The following SORT1 variants were observed in gnomAD, a reference collection of about 807,000 sequenced individuals.
The protein encoded by SORT1 is sortilin.
Under a neutral mutation model 101.7 loss-of-function variants are expected in SORT1, and 39 were observed. The observed-to-expected ratio is 0.38, with a 90% CI of 0.30 to 0.50. The LOEUF (loss-of-function observed/expected upper bound fraction) is 0.50. Among genes scored for constraint, SORT1 ranks in the 20% least tolerant of loss-of-function variants. The probability of loss-of-function intolerance (pLI) is 0.90; values close to 1 mark genes in which losing one functional copy is unlikely to be tolerated. For missense variants in SORT1, 878 were observed against 1,040.4 expected, an observed-to-expected ratio of 0.84 and a Z score of 2.15; for synonymous variants, 396 against 393.7, an observed-to-expected ratio of 1.01 and a Z score of -0.07.
Position 109,350,912 on chromosome 1 carries a change from A to T in SORT1, c.782+17T>A, listed in dbSNP as rs1472340772. The T allele has an allele frequency of 6.5e-7, 1 of 1,547,642 alleles. No homozygotes were observed. The highest frequency in any genetic ancestry group is 1.4e-5 in the African/African-American group (1 of 73,744). On this transcript the variant is annotated intron_variant, in intron 6 of 19. Coordinates refer to ENST00000256637, the MANE Select transcript of SORT1 (RefSeq NM_002959.7). ...AGGGTTTAGGGCTCTGCACAGATGGAGTCTTCTGTTACTCACCATTTGGCC... is the reference window on the plus strand; with the variant it reads ...AGGGTTTAGGGCTCTGCACAGATGGTGTCTTCTGTTACTCACCATTTGGCC...
intron 3 of SORT1, among the ~76,000 whole-genome samples, chr1:109,357,829 A>G (rs1483844462): frequency 6.6e-6 from 1 of 152,216 alleles, no homozygotes; most frequent in African/African-American, 2.4e-5. Flanking sequence ...CACCCAACAG[A>G]GTCCTATATT....
At chr1:109,357,283 A>C (rs542814067) in intron 3 of SORT1, among the ~76,000 whole-genome samples, 1 of 152,226 alleles carries the variant, frequency 6.6e-6, no homozygotes, top group Non-Finnish European at 1.5e-5. Flanking sequence ...AAATCACCTA[A>C]TGATGCACTT....
rs538392350 is a variant in SORT1 at position 109,311,229 on chromosome 1, A to G, written c.*2814T>C. 1 of 152,352 alleles carries G rather than the reference A, an allele frequency of 6.6e-6. No individual in the cohort carries two copies. The highest frequency in any genetic ancestry group is 2.4e-5 in the African/African-American group (1 of 41,592). 9.4% of individuals were successfully genotyped at this position (152,352 alleles called of 1,614,324 possible). Reference sequence around the variant, plus strand: ...TCCCTACCTGGATTTAAGAACTCGGACCACTTTGGACTGGTTTGTCCAATC... The same window carrying G: ...TCCCTACCTGGATTTAAGAACTCGGGCCACTTTGGACTGGTTTGTCCAATC... On this transcript the variant is annotated 3_prime_UTR_variant, in exon 20 of 20. Transcript: ENST00000256637.
At chr1:109,334,889 A>T (rs548349412) in intron 11 of SORT1, among the ~76,000 whole-genome samples, 2 of 152,314 alleles carry the variant, frequency 1.3e-5, no homozygotes, top group South Asian at 4.1e-4. Context: ...TTAACACTCT[A>T]AAAAGGGTTC....
At chr1:109,346,986 G>C (rs982037029) in intron 7 of SORT1, among the ~76,000 whole-genome samples, 50 of 152,106 alleles carry the variant, frequency 3.3e-4, no homozygotes, top group African/African-American at 1.1e-3. Context: ...TGGAGTTTTG[G>C]TTTTCCTGAA....
At chr1:109,351,379 G>A (rs1649948332) in intron 5 of SORT1, among the ~76,000 whole-genome samples, 2 of 152,218 alleles carry the variant, frequency 1.3e-5, no homozygotes, top group African/African-American at 4.8e-5. Flanking sequence ...TAGAAGTGAG[G>A]AGAGGAGGAA....
intron 1 of SORT1, among the ~76,000 whole-genome samples, chr1:109,393,532 A>G (rs1653030818): frequency 6.6e-6 from 1 of 152,236 alleles, no homozygotes; most frequent in Non-Finnish European, 1.5e-5. Flanking sequence ...AATCCAACTT[A>G]GTAACCAACA....
intron 3 of SORT1, among the ~76,000 whole-genome samples, chr1:109,365,280 G>C (rs944511206): frequency 2.6e-5 from 4 of 152,204 alleles, no homozygotes; most frequent in Non-Finnish European, 4.4e-5. Flanking sequence ...CTGGAGTGCA[G>C]TGATGTGATC....
At chr1:109,351,049 T>A in intron 5 of SORT1, 47 bp from the exon 6 acceptor site, 1 of 1,212,700 alleles carries the variant, frequency 8.2e-7, no homozygotes, top group Non-Finnish European at 1.2e-6. Flanking sequence ...TTATCCTGTG[T>A]AGTTGCTTGT....
chr1:109,376,144 T>C (rs12037677), intron 1 of SORT1, among the ~76,000 whole-genome samples: 106,056 of 151,778 alleles, frequency 0.7, 37,593 homozygotes, highest in East Asian at 0.96. Flanking sequence ...AGATCGAGAC[T>C]ACGGTGAAAC....
intron 1 of SORT1, among the ~76,000 whole-genome samples, chr1:109,370,998 T>C (rs1356396457): frequency 6.6e-6 from 1 of 152,246 alleles, no homozygotes. Flanking sequence ...AATTTTCTCT[T>C]GCAGTCTTGA....
At chr1:109,392,450 C>T (rs1050428945) in intron 1 of SORT1, 1 of 215,550 alleles carries the variant, frequency 4.6e-6, no homozygotes, top group Non-Finnish European at 7.9e-6. Flanking sequence ...TGTTAATAAT[C>T]ACAAAAAGAA....
chr1:109,353,821 C>T (rs1469683609), intron 5 of SORT1, among the ~76,000 whole-genome samples: 1 of 152,152 alleles, frequency 6.6e-6, no homozygotes, highest in Admixed American at 6.5e-5. Flanking sequence ...GAATGTGTTC[C>T]TCAGAGAACT....
At position 109,309,770 on chromosome 1, in the gene SORT1, T is replaced by C. The variant is rs1658607181; in HGVS notation, c.*4273A>G. On this transcript the variant is annotated 3_prime_UTR_variant, in exon 20 of 20. Transcript: ENST00000256637. ...ACTGACGTGGGTCACTGAAACTCGA[T>C]TATCCCACCTCACATGCAATTTTCT... 6.6e-6 allele frequency: 1 copy of C among 152,250 alleles called. No homozygotes were observed. Among genetic ancestry groups the C allele is most frequent in the African/African-American group, 2.4e-5 (1 of 41,428 alleles). 9.4% of individuals were successfully genotyped at this position (152,250 alleles called of 1,614,324 possible).
chr1:109,365,621 C>T (rs889791155), intron 3 of SORT1, among the ~76,000 whole-genome samples: 4 of 152,130 alleles, frequency 2.6e-5, no homozygotes, highest in African/African-American at 7.2e-5. Flanking sequence ...TTTAATTAAC[C>T]ATCTAAAAAT....
At chr1:109,368,293 C>CAAA (rs35637507) in intron 2 of SORT1, among the ~76,000 whole-genome samples, 10 of 59,394 alleles carry the variant, frequency 1.7e-4, no homozygotes, top group South Asian at 5.9e-4. Flanking sequence ...GACTCTGTCT[C>CAAA]AAAAAAAAAA....
At chr1:109,388,139 T>C (rs369293104) in intron 1 of SORT1, among the ~76,000 whole-genome samples, 1 of 150,206 alleles carries the variant, frequency 6.7e-6, no homozygotes, top group South Asian at 2.1e-4. Context: ...GCGATCACAG[T>C]GTCCTATAGC....
intron 3 of SORT1, among the ~76,000 whole-genome samples, chr1:109,364,626 A>G (rs1014899903): frequency 1.3e-5 from 2 of 152,232 alleles, no homozygotes; most frequent in African/African-American, 2.4e-5. Context: ...TGTAGGTCAT[A>G]ATGCCAGGTG....
chr1:109,330,360 C>A (rs1391157879), intron 11 of SORT1, among the ~76,000 whole-genome samples: 1 of 152,038 alleles, frequency 6.6e-6, no homozygotes, highest in Non-Finnish European at 1.5e-5. Context: ...GGAAAATTCA[C>A]ATGAATGTGG....
Sources: gnomAD v4.1 joint callset for allele counts (sites outside exome capture counted in the v4.1 genomes callset) on GRCh38, gnomAD v4.1.1 for gene constraint, MANE v1.5 for transcripts, NCBI Gene and HGNC (gene_info 2026-07-23, HGNC 2026-07-21) for gene names.